Variants in VPS13B observed in about 807,000 individuals in gnomAD.
The protein encoded by VPS13B is vacuolar protein sorting 13 homolog B, also known as intermembrane lipid transfer protein VPS13B.
A neutral mutation model predicts 426.4 loss-of-function variants in VPS13B; 285 were observed. The ratio of observed to expected loss-of-function variants is 0.67; its 90% CI spans 0.61 to 0.74. The LOEUF (loss-of-function observed/expected upper bound fraction) is 0.74. Ranked by LOEUF, VPS13B falls within the 30% of genes least tolerant of loss-of-function variation. The pLI is 0.00. For missense variants in VPS13B, 4,537 were observed against 4,782.6 expected (o/e 0.95, Z 1.51); for synonymous variants, 1,676 against 1,676.4 (o/e 1.00, Z 0.01).
At position 99,162,087 on chromosome 8, in the gene VPS13B, C is replaced by T. The variant is rs779751614; in HGVS notation, c.2208+5344C>T. Among the ~76,000 whole-genome samples the T allele has an allele frequency of 8.1e-4, 123 of 152,200 alleles. No homozygotes were observed. The Middle Eastern group carries it at 0.017, about 21-fold the overall frequency. ...GCCTTGAATCTTGTCTTGAATATTT[C>T]ATTTCATTTTCATACTTCTACTGTG... is the stretch of plus-strand genomic sequence containing the variant. On this transcript the variant is annotated intron_variant, in intron 15 of 61. Transcript: ENST00000357162.
chr8:99,099,606 G>C (rs1846618585), intron 4 of VPS13B, among the ~76,000 whole-genome samples: 1 of 152,140 alleles, frequency 6.6e-6, no homozygotes, highest in Non-Finnish European at 1.5e-5. Flanking sequence ...ATGACTAATA[G>C]TAACATAAGC....
intron 3 of VPS13B, among the ~76,000 whole-genome samples, chr8:99,056,276 G>T (rs573862975): frequency 6.6e-6 from 1 of 151,844 alleles, no homozygotes; most frequent in Non-Finnish European, 1.5e-5. Flanking sequence ...GCCCAGGCTC[G>T]TCTTGAACTC....
chr8:99,106,400 A>C lies in VPS13B; in HGVS notation c.580+3280A>C, dbSNP rs1304392797. Among the ~76,000 whole-genome samples, 5 of 137,116 alleles carry C rather than the reference A, an allele frequency of 3.6e-5. No homozygotes were observed. The South Asian group carries it at 7.0e-4, about 19-fold the overall frequency. 90.0% of individuals were successfully genotyped at this position (137,116 alleles called of 152,430 possible). A position where few individuals can be genotyped will look rare whatever the true frequency, so the allele number is the denominator to read the frequency against. The stretch of plus-strand genomic sequence containing the variant: ...CAGTGAGTCGAAATTGTGCCACTGC[A>C]CTCTAGCCTTGGCGATAGAGTGAGA... On this transcript the variant is annotated intron_variant, in intron 5 of 61. Coordinates refer to ENST00000357162, the MANE Select transcript of VPS13B (RefSeq NM_152564.5).
chr8:99,367,854 A>C (rs1236973890), intron 19 of VPS13B, among the ~76,000 whole-genome samples: 1 of 152,062 alleles, frequency 6.6e-6, no homozygotes, highest in Non-Finnish European at 1.5e-5. Flanking sequence ...GGGTTTCGCC[A>C]TGTTGGCCAG....
chr8:99,326,794 A>G (rs1044430891), intron 19 of VPS13B, among the ~76,000 whole-genome samples: 1 of 152,054 alleles, frequency 6.6e-6, no homozygotes, highest in African/African-American at 2.4e-5. Flanking sequence ...TACTTTTTTC[A>G]TACTTTAACT....
intron 19 of VPS13B, among the ~76,000 whole-genome samples, chr8:99,281,478 CA>C (rs1266636880): frequency 2.6e-5 from 4 of 152,230 alleles, no homozygotes; most frequent in African/African-American, 9.6e-5. Flanking sequence ...AAAGAGAAAG[CA>C]TGCTTCCTGT....
At chr8:99,669,987 TAA>T (rs1475417673) in intron 35 of VPS13B, among the ~76,000 whole-genome samples, 1 of 152,118 alleles carries the variant, frequency 6.6e-6, no homozygotes, top group East Asian at 1.9e-4. Context: ...TATAAAATAG[TAA>T]AAGAGTTCTT....
At chr8:99,392,826 C>T (rs549654209) in intron 21 of VPS13B, among the ~76,000 whole-genome samples, 1 of 151,984 alleles carries the variant, frequency 6.6e-6, no homozygotes, top group Non-Finnish European at 1.5e-5. Flanking sequence ...CTGTCCATAG[C>T]CACAAGCCTT....
intron 19 of VPS13B, among the ~76,000 whole-genome samples, chr8:99,377,186 A>C (rs1219054312): frequency 6.6e-6 from 1 of 151,906 alleles, no homozygotes; most frequent in Non-Finnish European, 1.5e-5. Context: ...TTTAGGGTTT[A>C]TTGGGCCTCC....
At position 99,096,755 on chromosome 8, in the gene VPS13B, CAA is replaced by C. The variant is rs56378823; in HGVS notation, c.412+340_412+341del. 6.6e-3 allele frequency among the ~76,000 whole-genome samples: 766 copies of C among 116,774 alleles called. 3 individuals are homozygous for C. The highest frequency in any genetic ancestry group is 0.014 in the African/African-American group (441 of 30,930). 76.6% of individuals were successfully genotyped at this position (116,774 alleles called of 152,430 possible). A position where few individuals can be genotyped will look rare whatever the true frequency, so the allele number is the denominator to read the frequency against. Reference sequence around the variant, plus strand: ...TGGGTGACAGAGTGATACTCTGTCTCAAAAAAAAAAAAAAAAAATTGATCATT... The same window carrying C: ...TGGGTGACAGAGTGATACTCTGTCTCAAAAAAAAAAAAAAAATTGATCATT... On this transcript the variant is annotated intron_variant, in intron 4 of 61. Transcript: ENST00000357162.
At chr8:99,113,689 C>T (rs1463250552) in intron 6 of VPS13B, among the ~76,000 whole-genome samples, 4 of 152,036 alleles carry the variant, frequency 2.6e-5, no homozygotes, top group South Asian at 2.1e-4. Context: ...CTCAGCTTCC[C>T]GAGTAGCTGG....
chr8:99,816,286 G>C (rs1259819114), intron 44 of VPS13B, among the ~76,000 whole-genome samples: 7 of 152,026 alleles, frequency 4.6e-5, no homozygotes, highest in Admixed American at 6.6e-5. Flanking sequence ...ATTTTTAGTA[G>C]AGACAGGGTT....
chr8:99,100,993 G>T (rs1048606699), intron 4 of VPS13B, among the ~76,000 whole-genome samples: 1 of 151,592 alleles, frequency 6.6e-6, no homozygotes, highest in African/African-American at 2.4e-5. Flanking sequence ...GTCGTGAGTT[G>T]AGATCATGCC....
chr8:99,533,872 G>A (rs1823056169), intron 30 of VPS13B, among the ~76,000 whole-genome samples: 1 of 152,108 alleles, frequency 6.6e-6, no homozygotes, highest in African/African-American at 2.4e-5. Context: ...GCAGTGTTAA[G>A]ATTAAATTCT....
intron 3 of VPS13B, among the ~76,000 whole-genome samples, chr8:99,072,329 A>C (rs1274243402): frequency 6.6e-6 from 1 of 151,678 alleles, no homozygotes; most frequent in Non-Finnish European, 1.5e-5. Flanking sequence ...CTTCCCTTAA[A>C]GGTAGTGGGT....
At chr8:99,435,967 A>T (rs914201840) in intron 22 of VPS13B, among the ~76,000 whole-genome samples, 1 of 152,210 alleles carries the variant, frequency 6.6e-6, no homozygotes, top group Non-Finnish European at 1.5e-5. Flanking sequence ...ATGGTTTTCA[A>T]ACCAGGAGAA....
At chr8:99,290,745 T>G (rs1819687122) in intron 19 of VPS13B, among the ~76,000 whole-genome samples, 1 of 151,888 alleles carries the variant, frequency 6.6e-6, no homozygotes, top group Admixed American at 6.6e-5. Context: ...CTTAACCCAG[T>G]CTTTCTGACT....
At chr8:99,754,534 G>A (rs977801275) in intron 39 of VPS13B, among the ~76,000 whole-genome samples, 8 of 152,124 alleles carry the variant, frequency 5.3e-5, no homozygotes, top group African/African-American at 1.7e-4. Context: ...TGTTCATAAT[G>A]CTGTCCATTT....
intron 14 of VPS13B, among the ~76,000 whole-genome samples, chr8:99,151,013 G>A (rs542662632): frequency 6.6e-6 from 1 of 152,308 alleles, no homozygotes; most frequent in Admixed American, 6.5e-5. Context: ...GTGAATAAGA[G>A]TTCCTGTTTC....
Sources: gnomAD v4.1 joint callset for allele counts (sites outside exome capture counted in the v4.1 genomes callset) on GRCh38, gnomAD v4.1.1 for gene constraint, MANE v1.5 for transcripts, NCBI Gene and HGNC (gene_info 2026-07-23, HGNC 2026-07-21) for gene names.